The following PCDH11X variants were observed in gnomAD, a reference collection of about 807,000 sequenced individuals.
PCDH11X encodes the protein protocadherin 11 X-linked.
A neutral mutation model predicts 53.3 loss-of-function variants in PCDH11X; 18 were observed. The observed-to-expected ratio is 0.34, with a 90% CI of 0.23 to 0.50. The LOEUF (loss-of-function observed/expected upper bound fraction) is 0.50. Ranked by LOEUF, PCDH11X falls within the 20% of genes least tolerant of loss-of-function variation. PCDH11X has a pLI of 0.98. For synonymous variants in PCDH11X, 279 were observed against 393.3 expected, an observed-to-expected ratio of 0.71 and a Z score of 3.44; for missense variants, 570 against 1,032.4, an observed-to-expected ratio of 0.55 and a Z score of 6.14.
At chrX:92,457,215 G>T (rs1309281622) in intron 9 of PCDH11X, among the ~76,000 whole-genome samples, 1 of 109,256 alleles carries the variant, frequency 9.2e-6, no homozygotes, top group Non-Finnish European at 1.9e-5. Context: ...ATTATTCAGA[G>T]ACTGTATTTT....
intron 10 of PCDH11X, among the ~76,000 whole-genome samples, chrX:92,617,981 T>C (rs1928163861): frequency 9.0e-6 from 1 of 111,320 alleles, no homozygotes. Flanking sequence ...TGAATGATCA[T>C]AGTTTCCTTG....
At chrX:92,405,710 A>G (rs1178976940) in intron 9 of PCDH11X, among the ~76,000 whole-genome samples, 3 of 106,099 alleles carry the variant, frequency 2.8e-5, no homozygotes, top group Non-Finnish European at 5.8e-5. Flanking sequence ...TTTAAACACC[A>G]CTGTAAGATA....
intron 6 of PCDH11X, among the ~76,000 whole-genome samples, chrX:92,087,665 G>C (rs1397999854): frequency 9.0e-6 from 1 of 110,527 alleles, no homozygotes; most frequent in African/African-American, 3.3e-5. Flanking sequence ...TCCACACACA[G>C]ACAGGTTTGT....
intron 10 of PCDH11X, among the ~76,000 whole-genome samples, chrX:92,592,633 A>T (rs2041852193): frequency 9.0e-6 from 1 of 111,150 alleles, no homozygotes; most frequent in African/African-American, 3.3e-5. Context: ...GGGGAGGCTG[A>T]GGCAGGAGAA....
At position 92,211,179 on chromosome X, in the gene PCDH11X, G is replaced by T. The variant is rs190861249; in HGVS notation, c.3114+9724G>T. Among the ~76,000 whole-genome samples, 111 of 111,657 alleles carry T rather than the reference G, an allele frequency of 9.9e-4. 1 individual carries two copies. Among genetic ancestry groups the T allele is most frequent in the African/African-American group, 3.4e-3 (105 of 30,740 alleles). ...GGTTTAATCGTCTCATGATTCTGTG[G>T]GCTGTACAGGCTTCTGCTTCTGGGG... On this transcript the variant is annotated intron_variant, in intron 7 of 10. Coordinates refer to ENST00000682573, the MANE Select transcript of PCDH11X (RefSeq NM_032968.5).
chrX:92,550,128 C>T (rs1602310709), intron 10 of PCDH11X, among the ~76,000 whole-genome samples: 5 of 110,429 alleles, frequency 4.5e-5, no homozygotes. Flanking sequence ...TTCTAGTAAC[C>T]GCAATTCTAC....
At chrX:92,615,214 C>T (rs1927834898) in intron 10 of PCDH11X, among the ~76,000 whole-genome samples, 2 of 110,624 alleles carry the variant, frequency 1.8e-5, no homozygotes, top group Non-Finnish European at 3.8e-5. Context: ...GCTTCAAACA[C>T]CTGGAGATCT....
At chrX:91,907,407 A>ACACACACC (rs1941210298) in intron 6 of PCDH11X, among the ~76,000 whole-genome samples, 1 of 67,876 alleles carries the variant, frequency 1.5e-5, no homozygotes, top group African/African-American at 5.4e-5. Flanking sequence ...ACACACACAC[A>ACACACACC]CACACAGAGA....
chrX:91,875,129 C>A (rs1939525178), intron 5 of PCDH11X, among the ~76,000 whole-genome samples: 1 of 110,163 alleles, frequency 9.1e-6, no homozygotes, highest in African/African-American at 3.3e-5. Context: ...TTCTTCATAC[C>A]CTCCAGTACC....
intron 6 of PCDH11X, among the ~76,000 whole-genome samples, chrX:92,183,937 A>G (rs1197192447): frequency 2.8e-5 from 3 of 108,469 alleles, no homozygotes; most frequent in Non-Finnish European, 5.7e-5. Flanking sequence ...CCCCATCTTC[A>G]TGTTAAAGTT....
intron 6 of PCDH11X, among the ~76,000 whole-genome samples, chrX:92,075,084 CT>C (rs997806477): frequency 1.8e-5 from 2 of 109,970 alleles, no homozygotes; most frequent in African/African-American, 6.6e-5. Flanking sequence ...CATGGGGATA[CT>C]TTTATTCTTA....
rs1177751868 is a variant in PCDH11X at position 92,113,393 on chromosome X, T to C, written c.3034-87982T>C. Reference sequence around the variant, plus strand: ...TGTCCACCTCGACTGATTCTGTGGATATAGTTTTCCCTGTTGGTGGGAAGG... The same window carrying C: ...TGTCCACCTCGACTGATTCTGTGGACATAGTTTTCCCTGTTGGTGGGAAGG... On this transcript the variant is annotated intron_variant, in intron 6 of 10. Coordinates refer to ENST00000682573, the MANE Select transcript of PCDH11X (RefSeq NM_032968.5). The C allele has an allele frequency of 9.2e-6, 11 of 1,200,030 alleles. No homozygotes were observed. In the East Asian group the frequency reaches 2.7e-4, roughly 29 times the overall value.
chrX:92,453,263 C>A (rs1351659147), intron 9 of PCDH11X, among the ~76,000 whole-genome samples: 1 of 108,840 alleles, frequency 9.2e-6, no homozygotes, highest in African/African-American at 3.4e-5. Context: ...TTTTTTGGAC[C>A]ACCATATCAC....
At chrX:92,026,478 G>A (rs1339453398) in intron 6 of PCDH11X, among the ~76,000 whole-genome samples, 1 of 110,733 alleles carries the variant, frequency 9.0e-6, no homozygotes, top group Non-Finnish European at 1.9e-5. Context: ...GCTAAAAGAG[G>A]AGATACATTT....
At chrX:91,892,704 A>AT (rs35310035) in intron 6 of PCDH11X, among the ~76,000 whole-genome samples, 18,306 of 100,310 alleles carry the variant, frequency 0.18, 1,340 homozygotes, top group East Asian at 0.25. Flanking sequence ...ACAAGAACAC[A>AT]TTTTTTTTTT....
chrX:91,918,629 T>G (rs1173128946), intron 6 of PCDH11X, among the ~76,000 whole-genome samples: 1 of 105,118 alleles, frequency 9.5e-6, no homozygotes, highest in South Asian at 4.3e-4. Context: ...AACATTGCTA[T>G]GAGGATATTT....
intron 9 of PCDH11X, among the ~76,000 whole-genome samples, chrX:92,416,437 T>C (rs2148609157): frequency 9.1e-6 from 1 of 110,244 alleles, no homozygotes; most frequent in South Asian, 3.8e-4. Context: ...ACCCCATAAA[T>C]ATATTACACC....
intron 7 of PCDH11X, among the ~76,000 whole-genome samples, chrX:92,252,071 A>T (rs1413194362): frequency 9.0e-6 from 1 of 111,365 alleles, no homozygotes; most frequent in Admixed American, 9.6e-5. Context: ...TGTTGAGAAT[A>T]AAATTTAAGA....
chrX:92,355,468 C>T (rs1158966938), intron 8 of PCDH11X, among the ~76,000 whole-genome samples: 1 of 91,512 alleles, frequency 1.1e-5, no homozygotes, highest in Non-Finnish European at 2.1e-5. Context: ...GAAGCAGAAT[C>T]TCCGTTATTA....
Sources: allele counts gnomAD v4.1 joint callset (sites outside exome capture counted in the v4.1 genomes callset), GRCh38; gene constraint gnomAD v4.1.1; transcripts MANE v1.5; gene names NCBI Gene and HGNC (gene_info 2026-07-23, HGNC 2026-07-21).